ADGRB3: variants seen among roughly 807,000 people sequenced by gnomAD.
ADGRB3 encodes the protein adhesion G protein-coupled receptor B3.
In ADGRB3, 37 loss-of-function variants were observed where a neutral mutation model predicts 193.4. The ratio of observed to expected loss-of-function variants is 0.19; its 90% CI spans 0.15 to 0.25. The LOEUF is 0.25. ADGRB3 is among the 10% of genes least tolerant of loss of function. The pLI, the probability that ADGRB3 is intolerant of heterozygous loss-of-function variation, is 1.00. For synonymous variants in ADGRB3, 690 were observed against 644.2 expected, an observed-to-expected ratio of 1.07 and a Z score of -1.08; for missense variants, 1,637 against 1,852.9, an observed-to-expected ratio of 0.88 and a Z score of 2.14.
chr6:68,693,347 A>G (rs377495575), intron 3 of ADGRB3, among the ~76,000 whole-genome samples: 1 of 151,934 alleles, frequency 6.6e-6, no homozygotes, highest in East Asian at 1.9e-4. Flanking sequence ...AATGGTAGCT[A>G]CTAGTGTACA....
intron 17 of ADGRB3, among the ~76,000 whole-genome samples, chr6:69,219,676 T>C (rs1261029956): frequency 6.6e-6 from 1 of 151,424 alleles, no homozygotes; most frequent in Non-Finnish European, 1.5e-5. Context: ...TGTCCTTGGT[T>C]TTATGACTGA....
intron 3 of ADGRB3, among the ~76,000 whole-genome samples, chr6:68,840,652 A>T (rs1768138277): frequency 1.3e-5 from 2 of 151,802 alleles, no homozygotes; most frequent in Admixed American, 1.3e-4. Context: ...AGGTTAATAG[A>T]GAACCAGGTA....
At chr6:69,178,818 A>G (rs1775503957) in intron 17 of ADGRB3, among the ~76,000 whole-genome samples, 1 of 152,202 alleles carries the variant, frequency 6.6e-6, no homozygotes, top group African/African-American at 2.4e-5. Context: ...TGACAAGTCT[A>G]GAGCCTAATG....
intron 13 of ADGRB3, among the ~76,000 whole-genome samples, chr6:69,042,526 G>T (rs1021101310): frequency 1.3e-5 from 2 of 152,150 alleles, no homozygotes; most frequent in Admixed American, 6.5e-5. Context: ...GTTTTAAAAA[G>T]AAATTGTTAA....
In ADGRB3 at chr6:69,305,308, G is replaced by C. The variant is rs116622666; in HGVS notation, c.2815-19564G>C. Among the ~76,000 whole-genome samples, 1,269 of 151,606 alleles carry C rather than the reference G, an allele frequency of 8.4e-3. 26 individuals are homozygous for C. Among genetic ancestry groups the C allele is most frequent in the Middle Eastern group, 0.065 (19 of 294 alleles). On this transcript the variant is annotated intron_variant, in intron 20 of 31. Transcript: ENST00000370598. ...CTGTTAATCATATGGTGTTCAAATT[G>C]TTACAGTGCCACAAAGCTGTTATTA...
intron 3 of ADGRB3, among the ~76,000 whole-genome samples, chr6:68,755,140 T>C (rs977734184): frequency 6.6e-6 from 1 of 152,104 alleles, no homozygotes; most frequent in African/African-American, 2.4e-5. Context: ...AAGCTGAGAG[T>C]CCTGGAATGG....
intron 3 of ADGRB3, among the ~76,000 whole-genome samples, chr6:68,772,569 T>G (rs929456488): frequency 1.1e-4 from 16 of 151,966 alleles, no homozygotes; most frequent in Non-Finnish European, 1.3e-4. Flanking sequence ...ACCATACCAG[T>G]AATCAATTCT....
At chr6:69,221,169 A>G (rs1382132189) in intron 17 of ADGRB3, among the ~76,000 whole-genome samples, 1 of 152,182 alleles carries the variant, frequency 6.6e-6, no homozygotes, top group African/African-American at 2.4e-5. Flanking sequence ...AAATTATGAT[A>G]GTCATTATTT....
rs377128134 is a variant in ADGRB3 at position 69,263,032 on chromosome 6, A to G, written c.2814+23806A>G. Among the ~76,000 whole-genome samples the G allele has an allele frequency of 1.2e-3, 179 of 151,988 alleles. 2 individuals carry two copies. In the South Asian group the frequency reaches 0.03, roughly 25 times the overall value. ...TCACTGGAAAGAGTTCAGGAATCTGACTCTTTATTGAAAAGTAAAGGTCAA... is the reference window on the plus strand; with the variant it reads ...TCACTGGAAAGAGTTCAGGAATCTGGCTCTTTATTGAAAAGTAAAGGTCAA... On this transcript the variant is annotated intron_variant, in intron 20 of 31. Transcript: ENST00000370598.
At chr6:69,071,589 G>A (rs976556249) in intron 16 of ADGRB3, among the ~76,000 whole-genome samples, 1 of 152,148 alleles carries the variant, frequency 6.6e-6, no homozygotes, top group Non-Finnish European at 1.5e-5. Flanking sequence ...TTCAGCTAGA[G>A]TTTTGAATGG....
intron 3 of ADGRB3, among the ~76,000 whole-genome samples, chr6:68,681,877 C>G (rs1764903313): frequency 6.6e-6 from 1 of 152,184 alleles, no homozygotes; most frequent in African/African-American, 2.4e-5. Flanking sequence ...GCATTTTACT[C>G]TGTCTGGTAT....
At chr6:69,318,431 AT>A (rs1439332426) in intron 20 of ADGRB3, among the ~76,000 whole-genome samples, 3 of 151,262 alleles carry the variant, frequency 2.0e-5, no homozygotes, top group African/African-American at 7.3e-5. Context: ...ACCCACTCTG[AT>A]TTGATACTGA....
intron 3 of ADGRB3, among the ~76,000 whole-genome samples, chr6:68,648,186 A>C (rs1034326410): frequency 4.6e-5 from 7 of 152,178 alleles, no homozygotes; most frequent in African/African-American, 1.7e-4. Flanking sequence ...AAATGCACTA[A>C]ATACATGAGC....
At chr6:68,804,401 A>C (rs780314492) in intron 3 of ADGRB3, among the ~76,000 whole-genome samples, 5 of 152,298 alleles carry the variant, frequency 3.3e-5, no homozygotes, top group African/African-American at 9.6e-5. Context: ...TTGCCTTTGC[A>C]CCTTGTATGT....
chr6:69,191,314 CA>C (rs1372947981), intron 17 of ADGRB3, among the ~76,000 whole-genome samples: 9 of 151,976 alleles, frequency 5.9e-5, no homozygotes, highest in Admixed American at 4.6e-4. Flanking sequence ...TTTTTCAATA[CA>C]AAAGGATTTA....
intron 8 of ADGRB3, among the ~76,000 whole-genome samples, chr6:68,972,090 T>A (rs1768589418): frequency 6.6e-6 from 1 of 152,238 alleles, no homozygotes. Flanking sequence ...TGGTTATTGG[T>A]GCTTCACTAC....
intron 17 of ADGRB3, among the ~76,000 whole-genome samples, chr6:69,203,441 CA>C (rs1765473985): frequency 6.7e-6 from 1 of 149,114 alleles, no homozygotes; most frequent in Admixed American, 6.8e-5. Context: ...TTAGTCTCTC[CA>C]TTGTTTTTGT....
intron 20 of ADGRB3, among the ~76,000 whole-genome samples, chr6:69,312,291 G>T (rs1768211153): frequency 6.6e-6 from 1 of 151,724 alleles, no homozygotes; most frequent in Admixed American, 6.6e-5. Context: ...GTTCCTGGTG[G>T]GAATGATAAT....
At chr6:68,750,720 C>A (rs1766181827) in intron 3 of ADGRB3, among the ~76,000 whole-genome samples, 1 of 152,066 alleles carries the variant, frequency 6.6e-6, no homozygotes, top group Admixed American at 6.6e-5. Context: ...GAGGTGGGGA[C>A]AGTGAGGGTG....
Sources: gnomAD v4.1 joint callset for allele counts (sites outside exome capture counted in the v4.1 genomes callset) on GRCh38, gnomAD v4.1.1 for gene constraint, MANE v1.5 for transcripts, NCBI Gene and HGNC (gene_info 2026-07-23, HGNC 2026-07-21) for gene names.